CAMK1D: variants seen among roughly 807,000 people sequenced by gnomAD.
CAMK1D encodes the protein calcium/calmodulin dependent protein kinase ID.
Under a neutral mutation model 47.7 loss-of-function variants are expected in CAMK1D, and 9 were observed. The observed-to-expected ratio is 0.19, with a 90% CI of 0.11 to 0.33. CAMK1D has a LOEUF of 0.33. CAMK1D is among the 10% of genes least tolerant of loss of function. CAMK1D has a pLI of 1.00. For synonymous variants in CAMK1D, 184 were observed against 184.9 expected, an observed-to-expected ratio of 0.99 and a Z score of 0.04; for missense variants, 291 against 488.7, an observed-to-expected ratio of 0.60 and a Z score of 3.81.
chr10:12,747,736 T>G (rs189637427), intron 3 of CAMK1D, among the ~76,000 whole-genome samples: 45 of 152,242 alleles, frequency 3.0e-4, no homozygotes, highest in African/African-American at 1.1e-3. Context: ...TTGTATGAGT[T>G]TCAGTCTGAA....
rs1227958816 is a variant in CAMK1D, at chr10:12,816,446, T to C, written c.833+118T>C. On this transcript the variant is annotated intron_variant, in intron 8 of 10. Coordinates refer to ENST00000619168, the MANE Select transcript of CAMK1D (RefSeq NM_153498.4). Reference sequence around the variant, plus strand: ...CCACACAGGATTATTACAAATTTCATCTCATTCTGGCCAGTGACTTTCCTC... The same window carrying C: ...CCACACAGGATTATTACAAATTTCACCTCATTCTGGCCAGTGACTTTCCTC... The C allele has an allele frequency of 4.9e-6, 4 of 810,596 alleles. No homozygotes were observed. In the Admixed American group the frequency reaches 7.7e-5, roughly 16 times the overall value. 50.2% of individuals were successfully genotyped at this position (810,596 alleles called of 1,614,324 possible).
chr10:12,579,687 G>A (rs1279039758), intron 2 of CAMK1D, among the ~76,000 whole-genome samples: 1 of 151,912 alleles, frequency 6.6e-6, no homozygotes. Flanking sequence ...TCTCAAGCTC[G>A]CTCCAGTGTT....
At chr10:12,528,165 G>A (rs1835686815) in intron 1 of CAMK1D, among the ~76,000 whole-genome samples, 1 of 152,180 alleles carries the variant, frequency 6.6e-6, no homozygotes, top group African/African-American at 2.4e-5. Flanking sequence ...ATTTGCCAAG[G>A]TCACATAGCT....
intron 1 of CAMK1D, among the ~76,000 whole-genome samples, chr10:12,471,633 C>T (rs1368880907): frequency 3.3e-5 from 5 of 152,200 alleles, no homozygotes; most frequent in Non-Finnish European, 7.3e-5. Context: ...TCACTCCCAC[C>T]CCTCCTGGTT....
intron 1 of CAMK1D, among the ~76,000 whole-genome samples, chr10:12,474,332 G>C (rs544751167): frequency 2.0e-5 from 3 of 151,354 alleles, no homozygotes; most frequent in African/African-American, 7.3e-5. Context: ...CTGAGTAGCT[G>C]AGGAGCCCAC....
intron 3 of CAMK1D, among the ~76,000 whole-genome samples, chr10:12,678,689 T>C (rs180927298): frequency 2.6e-5 from 4 of 152,348 alleles, no homozygotes; most frequent in Non-Finnish European, 5.9e-5. Context: ...TTGTTACGTC[T>C]ACTTGGTGAA....
rs1257614239 is a variant in CAMK1D at position 12,830,104 on chromosome 10, A to G, written c.*1217A>G. 2.6e-5 allele frequency: 4 copies of G among 152,186 alleles called. No individual in the cohort carries two copies. Among genetic ancestry groups the G allele is most frequent in the African/African-American group, 9.7e-5 (4 of 41,442 alleles). 9.4% of individuals were successfully genotyped at this position (152,186 alleles called of 1,614,324 possible). A position where few individuals can be genotyped will look rare whatever the true frequency, so the allele number is the denominator to read the frequency against. On this transcript the variant is annotated 3_prime_UTR_variant, in exon 11 of 11. Coordinates refer to ENST00000619168, the MANE Select transcript of CAMK1D (RefSeq NM_153498.4). Reference sequence around the variant, plus strand: ...AAGGAACCAGCTGCCATGTTGCTGAAAGTGGGCCCACACACAACCCTCATT... The same window carrying G: ...AAGGAACCAGCTGCCATGTTGCTGAGAGTGGGCCCACACACAACCCTCATT...
At chr10:12,370,533 G>A (rs886665209) in intron 1 of CAMK1D, among the ~76,000 whole-genome samples, 4 of 152,136 alleles carry the variant, frequency 2.6e-5, no homozygotes, top group Admixed American at 1.3e-4. Context: ...ACCTTCCAGT[G>A]GGACAAGATG....
At chr10:12,614,040 A>T (rs576593922) in intron 2 of CAMK1D, among the ~76,000 whole-genome samples, 1 of 152,082 alleles carries the variant, frequency 6.6e-6, no homozygotes, top group East Asian at 1.9e-4. Flanking sequence ...TTTTCTCCTT[A>T]ATTATTATTT....
intron 7 of CAMK1D, among the ~76,000 whole-genome samples, chr10:12,815,620 A>T (rs930747598): frequency 1.3e-5 from 2 of 152,220 alleles, no homozygotes. Context: ...CTGACCCATG[A>T]TGTCATCAGT....
intron 1 of CAMK1D, among the ~76,000 whole-genome samples, chr10:12,540,735 C>T (rs552344538): frequency 2.0e-5 from 3 of 152,262 alleles, no homozygotes; most frequent in African/African-American, 4.8e-5. Flanking sequence ...AGCTATTATG[C>T]AGGATTGCTT....
At chr10:12,478,612 G>A (rs1475530043) in intron 1 of CAMK1D, among the ~76,000 whole-genome samples, 1 of 152,086 alleles carries the variant, frequency 6.6e-6, no homozygotes, top group Non-Finnish European at 1.5e-5. Context: ...AATACGGGGT[G>A]CACTTTTATT....
chr10:12,747,293 G>A (rs949730716), intron 3 of CAMK1D, among the ~76,000 whole-genome samples: 30 of 152,120 alleles, frequency 2.0e-4, no homozygotes, highest in African/African-American at 7.2e-4. Context: ...GCCTCCCAAA[G>A]TGCTGGGATT....
At chr10:12,619,541 G>A (rs1838926034) in intron 2 of CAMK1D, among the ~76,000 whole-genome samples, 1 of 152,068 alleles carries the variant, frequency 6.6e-6, no homozygotes, top group African/African-American at 2.4e-5. Context: ...TCCTGCTTCA[G>A]CCTCCCAAAG....
chr10:12,606,888 C>T (rs1041488036), intron 2 of CAMK1D, among the ~76,000 whole-genome samples: 3 of 151,920 alleles, frequency 2.0e-5, no homozygotes, highest in South Asian at 2.1e-4. Context: ...AGTGCCGTGG[C>T]GCAGTCTCAG....
chr10:12,826,624 G>A (rs984383495), intron 10 of CAMK1D, among the ~76,000 whole-genome samples: 6 of 152,098 alleles, frequency 3.9e-5, no homozygotes, highest in Non-Finnish European at 7.4e-5. Flanking sequence ...TAACCATGGA[G>A]CAGCCCTGCA....
chr10:12,589,405 T>G (rs909166994), intron 2 of CAMK1D, among the ~76,000 whole-genome samples: 1 of 152,198 alleles, frequency 6.6e-6, no homozygotes, highest in Non-Finnish European at 1.5e-5. Flanking sequence ...ACCACCTCCA[T>G]GTGGCTGGAG....
intron 3 of CAMK1D, among the ~76,000 whole-genome samples, chr10:12,680,396 T>A (rs1396532910): frequency 1.3e-5 from 2 of 152,210 alleles, no homozygotes; most frequent in African/African-American, 4.8e-5. Context: ...TTGTTTGTTT[T>A]AAATAGGCCT....
chr10:12,745,037 T>C (rs1220509818), intron 3 of CAMK1D, among the ~76,000 whole-genome samples: 1 of 152,244 alleles, frequency 6.6e-6, no homozygotes, highest in African/African-American at 2.4e-5. Context: ...GGGATGTCCA[T>C]TCTGGACTCC....
Sources: allele counts gnomAD v4.1 joint callset (sites outside exome capture counted in the v4.1 genomes callset), GRCh38; gene constraint gnomAD v4.1.1; transcripts MANE v1.5; gene names NCBI Gene and HGNC (gene_info 2026-07-23, HGNC 2026-07-21).